Variants in MED12L observed in about 807,000 individuals in gnomAD.
The protein encoded by MED12L is mediator of RNA polymerase II transcription subunit 12-like protein.
Under a neutral mutation model 281.3 loss-of-function variants are expected in MED12L, and 60 were observed. The ratio of observed to expected loss-of-function variants is 0.21; its 90% CI spans 0.17 to 0.26. MED12L has a LOEUF of 0.26. Ranked by LOEUF, MED12L falls within the 10% of genes least tolerant of loss-of-function variation. The pLI is 1.00. For synonymous variants in MED12L, 974 were observed against 987.2 expected (o/e 0.99, Z 0.25); for missense variants, 2,146 against 2,680.9 (o/e 0.80, Z 4.41).
In MED12L at chr3:151,390,029, C is replaced by T. The variant is rs541597798; in HGVS notation, c.5502C>T (p.Ile1834=). 49 of 1,614,102 alleles carry T rather than the reference C, an allele frequency of 3.0e-5. 1 individual carries two copies. The Middle Eastern group carries it at 6.6e-4, about 22-fold the overall frequency. Residue 1834 remains isoleucine (I), a synonymous_variant, in exon 38 of 45, where the codon ATC becomes ATT. Transcript: ENST00000687756. ...GAGTGCCTCCTAATTACTCGCCTAT[C>T]TCCTCCCAAATGATGCACCATCCAC... ...IYRVPPNYSP[I]SSQMMHHPQS...
intron 16 of MED12L, chr3:151,213,762 T>C: frequency 1.2e-6 from 2 of 1,614,206 alleles, no homozygotes; most frequent in Non-Finnish European, 1.7e-6. Flanking sequence ...AGTTTGATGC[T>C]TTGTGCCACT....
chr3:151,341,808 A>G lies in MED12L; in HGVS notation c.2251-8251A>G, dbSNP rs190953268. On this transcript the variant is annotated intron_variant, in intron 16 of 44. Transcript: ENST00000687756. ...TGTTCTCATTGTTCAGTTCCCACCT[A>G]TGAGTGAGAATATGTGGTGTTTGGT... Among the ~76,000 whole-genome samples the G allele has an allele frequency of 1.7e-4, 25 of 146,844 alleles. No homozygotes were observed. In the East Asian group the frequency reaches 4.4e-3, roughly 26 times the overall value.
intron 16 of MED12L, among the ~76,000 whole-genome samples, chr3:151,325,131 A>G (rs1303307886): frequency 1.3e-5 from 2 of 152,228 alleles, no homozygotes; most frequent in Non-Finnish European, 2.9e-5. Flanking sequence ...AATAAGATTG[A>G]ATGATTGTTT....
intron 16 of MED12L, among the ~76,000 whole-genome samples, chr3:151,345,906 A>G (rs1752480588): frequency 2.0e-5 from 3 of 152,200 alleles, no homozygotes; most frequent in Admixed American, 2.0e-4. Context: ...TGCCTGTCCT[A>G]TTTGAAGACT....
chr3:151,343,890 T>A (rs570085199), intron 16 of MED12L, among the ~76,000 whole-genome samples: 192 of 152,318 alleles, frequency 1.3e-3, no homozygotes, highest in Middle Eastern at 3.4e-3. Context: ...TGACATTTGA[T>A]AGCTCTTAGG....
At position 151,190,887 on chromosome 3, in the gene MED12L, A is replaced by G. The variant is rs750944037; in HGVS notation, c.1924A>G (p.Asn642Asp). Reference sequence around the variant, plus strand: ...TCGGCCGCGGTCACCAGTAGGGGAAAATGCAGATGAACACTATTCAAAGGA... The same window carrying G: ...TCGGCCGCGGTCACCAGTAGGGGAAGATGCAGATGAACACTATTCAAAGGA... ...STRPRSPVGE[N>D]ADEHYSKDHD... Residue 642 changes from asparagine (N) to aspartate (D), a missense_variant, in exon 14 of 45, where the codon AAT becomes GAT. Asn to Asp is a conservative substitution (Grantham distance 23). Coordinates refer to ENST00000687756, the MANE Select transcript of MED12L (RefSeq NM_001393769.1). 1.9e-6 allele frequency: 3 copies of G among 1,614,066 alleles called. No individual in the cohort carries two copies. The Admixed American group carries it at 5.0e-5, about 27-fold the overall frequency.
intron 16 of MED12L, among the ~76,000 whole-genome samples, chr3:151,209,386 A>G (rs1435490576): frequency 1.3e-5 from 2 of 152,240 alleles, no homozygotes; most frequent in East Asian, 1.9e-4. Context: ...AAGCAGTACT[A>G]TAAAGTGGTT....
intron 16 of MED12L, among the ~76,000 whole-genome samples, chr3:151,235,886 A>G (rs1270490429): frequency 6.6e-6 from 1 of 151,694 alleles, no homozygotes; most frequent in African/African-American, 2.4e-5. Flanking sequence ...CATTCCCCCT[A>G]TGTCGCATTC....
chr3:151,330,805 G>A (rs1007218444), intron 16 of MED12L, among the ~76,000 whole-genome samples: 1 of 152,238 alleles, frequency 6.6e-6, no homozygotes, highest in Middle Eastern at 3.4e-3. Context: ...TAATCCTTGG[G>A]AGTATAGATT....
intron 39 of MED12L, among the ~76,000 whole-genome samples, chr3:151,397,249 A>C (rs1715097027): frequency 6.6e-6 from 1 of 152,230 alleles, no homozygotes; most frequent in African/African-American, 2.4e-5. Flanking sequence ...TATTGTTTTT[A>C]ACAGTTGAAA....
intron 16 of MED12L, among the ~76,000 whole-genome samples, chr3:151,278,049 T>C (rs576136660): frequency 1.4e-4 from 22 of 152,238 alleles, no homozygotes; most frequent in Non-Finnish European, 2.9e-4. Context: ...ACAGCCACGA[T>C]TGGAAATCCT....
At chr3:151,106,343 C>G (rs1722064660) in intron 2 of MED12L, among the ~76,000 whole-genome samples, 1 of 126,338 alleles carries the variant, frequency 7.9e-6, no homozygotes, top group African/African-American at 3.1e-5. Context: ...CCTCCCCTCC[C>G]CTTTCCTTTC....
At chr3:151,390,627 C>T (rs966886805) in intron 38 of MED12L, among the ~76,000 whole-genome samples, 9 of 152,114 alleles carry the variant, frequency 5.9e-5, no homozygotes, top group Admixed American at 1.3e-4. Context: ...ATTTCTCGTC[C>T]CAAATGAAAA....
intron 41 of MED12L, 107 bp from the exon 42 acceptor site, chr3:151,413,032 T>C (rs1320164161): frequency 7.7e-7 from 1 of 1,298,480 alleles, no homozygotes; most frequent in Non-Finnish European, 1.1e-6. Flanking sequence ...CAAAGGATTA[T>C]TGAGCACTGA....
At chr3:151,257,376 A>G (rs1034335591) in intron 16 of MED12L, among the ~76,000 whole-genome samples, 2 of 152,250 alleles carry the variant, frequency 1.3e-5, no homozygotes, top group African/African-American at 2.4e-5. Flanking sequence ...GTGAGAAACA[A>G]TATATCTGAA....
intron 16 of MED12L, chr3:151,269,735 C>A: frequency 4.8e-6 from 2 of 418,926 alleles, no homozygotes; most frequent in South Asian, 1.8e-5. Flanking sequence ...AAAGTTCTCT[C>A]CAAGGAATTT....
At chr3:151,242,143 A>G (rs1056096361) in intron 16 of MED12L, among the ~76,000 whole-genome samples, 1 of 152,144 alleles carries the variant, frequency 6.6e-6, no homozygotes, top group African/African-American at 2.4e-5. Context: ...AGTCTCGCTG[A>G]TTGCTAGCAC....
chr3:151,174,069 G>T (rs1721756834), intron 11 of MED12L, among the ~76,000 whole-genome samples: 2 of 152,144 alleles, frequency 1.3e-5, no homozygotes, highest in Non-Finnish European at 2.9e-5. Context: ...TGGAATATTT[G>T]CATTATATAC....
At chr3:151,254,358 G>A (rs1353688820) in intron 16 of MED12L, among the ~76,000 whole-genome samples, 1 of 152,122 alleles carries the variant, frequency 6.6e-6, no homozygotes, top group Non-Finnish European at 1.5e-5. Context: ...TATAGCAGAG[G>A]CTTAACATTT....
Sources: gnomAD v4.1 joint callset for allele counts (sites outside exome capture counted in the v4.1 genomes callset) on GRCh38, gnomAD v4.1.1 for gene constraint, MANE v1.5 for transcripts, NCBI Gene and HGNC (gene_info 2026-07-23, HGNC 2026-07-21) for gene names.